EIF4E: variants seen among roughly 807,000 people sequenced by gnomAD.
EIF4E encodes eIF-4F 25 kDa subunit.
For missense variants in EIF4E, 113 were observed against 265.6 expected, an observed-to-expected ratio of 0.43 and a Z score of 3.99; for synonymous variants, 71 against 88.5, an observed-to-expected ratio of 0.80 and a Z score of 1.11.
In EIF4E at chr4:98,902,315, C is replaced by G. The variant is rs182513227; in HGVS notation, c.19-333G>C. ...TTGAACTCCTGACCTTGTGATTCAC[C>G]TGCCTTGGCCTCCCAAAGTGCTGGG... On this transcript the variant is annotated intron_variant, in intron 1 of 6. Coordinates refer to ENST00000450253, the MANE Select transcript of EIF4E (RefSeq NM_001968.5). 8.2e-3 allele frequency among the ~76,000 whole-genome samples: 1,248 copies of G among 152,332 alleles called. 8 individuals carry two copies. Among genetic ancestry groups the G allele is most frequent in the Admixed American group, 0.013 (199 of 15,302 alleles).
At chr4:98,902,074 A>G (rs1453407804) in intron 1 of EIF4E, 92 bp from the exon 2 acceptor site, 1 of 884,612 alleles carries the variant, frequency 1.1e-6, no homozygotes, top group Non-Finnish European at 1.6e-6. Context: ...TATGCTGATA[A>G]TTTTTTTTTT....
At chr4:98,926,988 G>A (rs1357649979) in intron 1 of EIF4E, among the ~76,000 whole-genome samples, 2 of 152,216 alleles carry the variant, frequency 1.3e-5, no homozygotes, top group African/African-American at 4.8e-5. Context: ...ATAGTTTACA[G>A]TCTCGTAGCC....
chr4:98,887,934 C>T lies in EIF4E; in HGVS notation c.240G>A (p.Gln80=), dbSNP rs1723990787. The T allele has an allele frequency of 6.2e-7, 1 of 1,612,464 alleles. No individual in the cohort carries two copies. The highest frequency in any genetic ancestry group is 8.5e-7 in the Non-Finnish European group (1 of 1,179,260). Residue 80 remains glutamine (Q), a synonymous_variant, in exon 4 of 7, where the codon CAG becomes CAA. Transcript: ENST00000450253. The surrounding 1 kb of genome is among the most constrained non-coding windows in gnomAD (Gnocchi z 4.0). ...AGCCAGGCATTAAATTACTAGACAA[C>T]TGGATATGGTTGTACAGACTAGGTA... is the stretch of plus-strand genomic sequence containing the variant. The part of the protein sequence containing the change: ...EDFWALYNHI[Q]LSSNLMPGCD...
intron 2 of EIF4E, among the ~76,000 whole-genome samples, chr4:98,893,302 G>C (rs1724236380): frequency 6.6e-6 from 1 of 152,224 alleles, no homozygotes; most frequent in Admixed American, 6.5e-5. Flanking sequence ...TGGGGTGGCT[G>C]TGGCAATTTC....
chr4:98,917,133 C>CACA (rs1386548303), intron 1 of EIF4E, among the ~76,000 whole-genome samples: 31 of 55,244 alleles, frequency 5.6e-4, no homozygotes, highest in Non-Finnish European at 1.1e-3. Context: ...CACACACACA[C>CACA]AAAAAAAACC....
chr4:98,909,559 T>C (rs1391664275), intron 1 of EIF4E: 6 of 656,180 alleles, frequency 9.1e-6, no homozygotes, highest in Non-Finnish European at 1.7e-5. Flanking sequence ...CTCCACTGAA[T>C]CCAGTACTAA....
intron 5 of EIF4E, chr4:98,886,476 G>A (rs1414530070): frequency 2.2e-6 from 1 of 444,766 alleles, no homozygotes; most frequent in Non-Finnish European, 4.5e-6. Context: ...CACTTTGGGA[G>A]GCTGAAGTGG....
At chr4:98,912,233 C>G (rs1725182248) in intron 1 of EIF4E, among the ~76,000 whole-genome samples, 2 of 137,544 alleles carry the variant, frequency 1.5e-5, no homozygotes, top group South Asian at 4.6e-4. Context: ...GCCTAGATAA[C>G]AAGAGCAAAA....
chr4:98,879,610 T>C lies in EIF4E; in HGVS notation c.*1418A>G, dbSNP rs1381916467. On this transcript the variant is annotated 3_prime_UTR_variant, in exon 7 of 7. Coordinates refer to ENST00000450253, the MANE Select transcript of EIF4E (RefSeq NM_001968.5). ...ACCTGTTTATTCCATTCTATTTAGA[T>C]TGCAACACTAACAAGATTCTTAATG... 6.6e-6 allele frequency: 1 copy of C among 152,180 alleles called. No individual in the cohort carries two copies. The highest frequency in any genetic ancestry group is 2.4e-5 in the African/African-American group (1 of 41,456). The allele number at this position is 152,180 out of a possible 1,614,324, so 9.4% of individuals were successfully genotyped here. A position where few individuals can be genotyped will look rare whatever the true frequency, so the allele number is the denominator to read the frequency against.
intron 2 of EIF4E, among the ~76,000 whole-genome samples, chr4:98,897,819 G>A (rs1724474015): frequency 6.6e-6 from 1 of 152,098 alleles, no homozygotes; most frequent in South Asian, 2.1e-4. Flanking sequence ...AATCAAAGAC[G>A]CTTAATGAGT....
intron 2 of EIF4E, among the ~76,000 whole-genome samples, chr4:98,895,859 T>C (rs1349431880): frequency 1.3e-5 from 2 of 152,032 alleles, no homozygotes; most frequent in Non-Finnish European, 2.9e-5. Context: ...AAGACTAGCC[T>C]GGACAACAAA....
chr4:98,887,299 G>T lies in EIF4E; in HGVS notation c.286-107C>A. The T allele has an allele frequency of 8.3e-7, 1 of 1,199,588 alleles. No homozygotes were observed. Among genetic ancestry groups the T allele is most frequent in the Non-Finnish European group, 1.2e-6 (1 of 808,418 alleles). 74.3% of individuals were successfully genotyped at this position (1,199,588 alleles called of 1,614,324 possible). ...AACACTGTCAACTTCTTACTTTATTGCCCATAAAACTGCCATTGATGTAGT... is the reference window on the plus strand; with the variant it reads ...AACACTGTCAACTTCTTACTTTATTTCCCATAAAACTGCCATTGATGTAGT... On this transcript the variant is annotated intron_variant, in intron 4 of 6. Coordinates refer to ENST00000450253, the MANE Select transcript of EIF4E (RefSeq NM_001968.5). This position sits in a 1 kb window ranked among gnomAD's most constrained non-coding sequence, Gnocchi z 4.0.
chr4:98,887,766 C>T lies in EIF4E; in HGVS notation c.285+123G>A, dbSNP rs1723984618. ...TATTGATACTAAAGCATACTACAGC[C>T]AATTAAATTATCAGCCTATTCATCA... On this transcript the variant is annotated intron_variant, in intron 4 of 6. Transcript: ENST00000450253. The surrounding 1 kb of genome is among the most constrained non-coding windows in gnomAD (Gnocchi z 4.0). 1 of 827,912 alleles carries T rather than the reference C, an allele frequency of 1.2e-6. No individual in the cohort carries two copies. Among genetic ancestry groups the T allele is most frequent in the African/African-American group, 1.7e-5 (1 of 58,230 alleles). 51.3% of individuals were successfully genotyped at this position (827,912 alleles called of 1,614,324 possible).
intron 2 of EIF4E, among the ~76,000 whole-genome samples, chr4:98,892,338 A>C (rs1470468818): frequency 6.9e-6 from 1 of 144,900 alleles, no homozygotes; most frequent in Non-Finnish European, 1.5e-5. Flanking sequence ...CAAAAAAACA[A>C]ACAAAAAAAA....
rs1168052494 is a variant in EIF4E, at chr4:98,887,819, T to C, written c.285+70A>G. On this transcript the variant is annotated intron_variant, in intron 4 of 6. Transcript: ENST00000450253. The surrounding 1 kb of genome is among the most constrained non-coding windows in gnomAD (Gnocchi z 4.0). ...CTATCAAATATTCCTAAGTTTATGG[T>C]AAGATTTCTTAATGAATACCAAATG... is the stretch of plus-strand genomic sequence containing the variant. The C allele has an allele frequency of 1.4e-6, 2 of 1,388,800 alleles. No individual in the cohort carries two copies. Among genetic ancestry groups the C allele is most frequent in the African/African-American group, 2.9e-5 (2 of 69,556 alleles). 86.0% of individuals were successfully genotyped at this position (1,388,800 alleles called of 1,614,324 possible). A position where few individuals can be genotyped will look rare whatever the true frequency, so the allele number is the denominator to read the frequency against.
intron 1 of EIF4E, among the ~76,000 whole-genome samples, chr4:98,922,871 G>A (rs1181987546): frequency 7.2e-6 from 1 of 139,370 alleles, no homozygotes; most frequent in East Asian, 2.1e-4. Flanking sequence ...TTTTTGAGAA[G>A]GAGTTTCAGT....
chr4:98,891,538 A>G, intron 2 of EIF4E: 1 of 583,288 alleles, frequency 1.7e-6, no homozygotes, highest in Non-Finnish European at 3.0e-6. Flanking sequence ...AGCTAAGGAC[A>G]TTAAGTGAAT....
intron 1 of EIF4E, chr4:98,928,888 C>A: frequency 6.4e-7 from 1 of 1,551,564 alleles, no homozygotes; most frequent in Non-Finnish European, 8.7e-7. Context: ...AGTTCTCGGG[C>A]CCCCACCAGA....
rs767631331 is a variant in EIF4E, at chr4:98,911,661, C to CAAAAAA, written c.19-9685_19-9680dup. Among the ~76,000 whole-genome samples, 72 of 60,032 alleles carry CAAAAAA rather than the reference C, an allele frequency of 1.2e-3. 2 individuals are homozygous for CAAAAAA. The highest frequency in any genetic ancestry group is 2.3e-3 in the African/African-American group (38 of 16,182). 39.4% of individuals were successfully genotyped at this position (60,032 alleles called of 152,430 possible). A position where few individuals can be genotyped will look rare whatever the true frequency, so the allele number is the denominator to read the frequency against. On this transcript the variant is annotated intron_variant, in intron 1 of 6. Coordinates refer to ENST00000450253, the MANE Select transcript of EIF4E (RefSeq NM_001968.5). Reference sequence around the variant, plus strand: ...GGGCAACAAGAGCGAAACTCTGTCTCAAAAAAAAAAAAAAAAAAAAAAAAA... The same window carrying CAAAAAA: ...GGGCAACAAGAGCGAAACTCTGTCTCAAAAAAAAAAAAAAAAAAAAAAAAAAAAAAA...
Sources: allele counts gnomAD v4.1 joint callset (sites outside exome capture counted in the v4.1 genomes callset), GRCh38; gene constraint gnomAD v4.1.1; non-coding constraint Gnocchi (gnomAD v3.1); transcripts MANE v1.5; gene names NCBI Gene and HGNC (gene_info 2026-07-23, HGNC 2026-07-21).